The following FAM114A2 variants were observed in gnomAD, a reference collection of about 807,000 sequenced individuals.
FAM114A2 encodes family with sequence similarity 114 member A2.
Under a neutral mutation model 58.4 loss-of-function variants are expected in FAM114A2, and 53 were observed. The ratio of observed to expected loss-of-function variants is 0.91; its 90% confidence interval spans 0.73 to 1.14. FAM114A2 has a LOEUF of 1.14. Ranked by LOEUF, FAM114A2 falls within the 50% of genes most tolerant of loss-of-function variation. The pLI is 0.00. For missense variants in FAM114A2, 601 were observed against 581.1 expected (o/e 1.03, Z -0.35); for synonymous variants, 228 against 211.4 (o/e 1.08, Z -0.68).
rs1257127122 is a variant in FAM114A2 at position 153,997,825 on chromosome 5, G to A, written c.1307C>T (p.Thr436Ile). 2.5e-6 allele frequency: 4 copies of A among 1,597,684 alleles called. No individual in the cohort carries two copies. The highest frequency in any genetic ancestry group is 2.2e-5 in the East Asian group (1 of 44,806). ...KELSSLSKEF[T>I]TCLTTAGVKE... ...TACCCCAGCAGTTGTTAGGCAGGTA[G>A]TGAACTCTTTAGACAGAGAGGACAA... The change falls in exon 12 of 14, where the codon ACT (threonine) becomes ATT (isoleucine). Residue 436 changes from threonine to isoleucine, a missense_variant. Physicochemically the swap from Thr to Ile is moderately conservative, Grantham distance 89. Transcript: ENST00000351797.
At chr5:154,027,747 T>C (rs1239149689) in intron 6 of FAM114A2, among the ~76,000 whole-genome samples, 4 of 152,142 alleles carry the variant, frequency 2.6e-5, no homozygotes, top group Non-Finnish European at 4.4e-5. Flanking sequence ...CTGATTCACC[T>C]ACCTCGGCCT....
chr5:154,024,619 T>C (rs1034767940), intron 8 of FAM114A2, among the ~76,000 whole-genome samples: 1 of 152,172 alleles, frequency 6.6e-6, no homozygotes, highest in Non-Finnish European at 1.5e-5. Context: ...AGATCATTAT[T>C]AATATTCTTT....
At chr5:154,015,426 CCA>C (rs1414058454) in intron 8 of FAM114A2, among the ~76,000 whole-genome samples, 3 of 152,134 alleles carry the variant, frequency 2.0e-5, no homozygotes, top group Non-Finnish European at 2.9e-5. Flanking sequence ...GCTGAGAGAC[CCA>C]CACAGACAGT....
chr5:153,999,213 C>T (rs1019054385), intron 11 of FAM114A2, among the ~76,000 whole-genome samples: 9 of 152,106 alleles, frequency 5.9e-5, no homozygotes, highest in African/African-American at 2.2e-4. Flanking sequence ...CAAAAGAAGA[C>T]ATACAAATGA....
rs200147518 is a variant in FAM114A2 at position 154,030,376 on chromosome 5, C to CTTCTAGCA, written c.404-804_404-797dup. ...TCAAATATTATAGAGAGGACTTCCA[C>CTTCTAGCA]TTCTAGCATGATGGATTAACTGGTA... On this transcript the variant is annotated intron_variant, in intron 4 of 13. Transcript: ENST00000351797. Among the ~76,000 whole-genome samples, 175 of 152,336 alleles carry CTTCTAGCA rather than the reference C, an allele frequency of 1.1e-3. 3 individuals are homozygous for CTTCTAGCA. The East Asian group carries it at 0.032, about 28-fold the overall frequency.
rs1400256759 is a variant in FAM114A2 at position 154,027,231 on chromosome 5, T to C, written c.734A>G (p.Gln245Arg). ...THYGLLFDEF[Q>R]GLSHLEALEM... is the part of the protein sequence containing the mutation. ...CAGAGCTTCTAGATGTGAAAGGCCT[T>C]GAAATTCATCAAAGAGTAGCCCATA... Residue 245 changes from glutamine to arginine, a missense_variant, in exon 7 of 14, where the codon CAA (glutamine) becomes CGA (arginine). Gln to Arg is a conservative substitution (Grantham distance 43). Coordinates refer to ENST00000351797, the MANE Select transcript of FAM114A2 (RefSeq NM_018691.4). 6.2e-7 allele frequency: 1 copy of C among 1,613,528 alleles called. No homozygotes were observed. Among genetic ancestry groups the C allele is most frequent in the East Asian group, 2.2e-5 (1 of 44,868 alleles).
At chr5:153,997,769 A>C in intron 12 of FAM114A2, 34 bp downstream of exon 12, 2 of 1,250,690 alleles carry the variant, frequency 1.6e-6, no homozygotes, top group Non-Finnish European at 2.3e-6. Context: ...GAAACCAGAC[A>C]AACATTATTG....
chr5:153,995,117 T>C, intron 12 of FAM114A2, 145 bp from the exon 13 acceptor site: 1 of 591,954 alleles, frequency 1.7e-6, no homozygotes, highest in African/African-American at 1.9e-5. Flanking sequence ...CAAAATGTCA[T>C]CTTTAGAATG....
chr5:154,031,069 T>C (rs761175173), intron 4 of FAM114A2, among the ~76,000 whole-genome samples: 1 of 151,942 alleles, frequency 6.6e-6, no homozygotes, highest in Non-Finnish European at 1.5e-5. Context: ...CCCAGCACTT[T>C]GGGAGGCCGA....
In FAM114A2 at chr5:153,997,789, G is replaced by C; in HGVS notation, c.1329+14C>G. On this transcript the variant is annotated intron_variant, in intron 12 of 13. Coordinates refer to ENST00000351797, the MANE Select transcript of FAM114A2 (RefSeq NM_018691.4). ...CAGACAAACATTATTGCAGTAAGAG[G>C]CATGGATTCTTACCCCAGCAGTTGT... is the stretch of plus-strand genomic sequence containing the variant. 2 of 1,462,768 alleles carry C rather than the reference G, an allele frequency of 1.4e-6. No homozygotes were observed. The highest frequency in any genetic ancestry group is 1.2e-5 in the South Asian group (1 of 86,956). The allele number at this position is 1,462,768 out of a possible 1,614,324, so 90.6% of individuals were successfully genotyped here. A position where few individuals can be genotyped will look rare whatever the true frequency, so the allele number is the denominator to read the frequency against.
chr5:153,996,827 T>C (rs1769591521), intron 12 of FAM114A2, among the ~76,000 whole-genome samples: 1 of 151,562 alleles, frequency 6.6e-6, no homozygotes, highest in Non-Finnish European at 1.5e-5. Flanking sequence ...TGAAACCCTG[T>C]CTCTACTAAA....
At chr5:154,023,318 G>T (rs1771553311) in intron 8 of FAM114A2, among the ~76,000 whole-genome samples, 1 of 151,854 alleles carries the variant, frequency 6.6e-6, no homozygotes, top group African/African-American at 2.4e-5. Context: ...AAAGATACTT[G>T]CACACGCATG....
intron 8 of FAM114A2, among the ~76,000 whole-genome samples, chr5:154,017,758 G>A (rs116295153): frequency 0.016 from 2,376 of 152,208 alleles, 65 homozygotes; most frequent in African/African-American, 0.054. Context: ...GATCACAGTG[G>A]AATAAAACTA....
At position 154,029,522 on chromosome 5, in the gene FAM114A2, T is replaced by G; in HGVS notation, c.462A>C (p.Val154=). 1 of 1,611,122 alleles carries G rather than the reference T, an allele frequency of 6.2e-7. No individual in the cohort carries two copies. The highest frequency in any genetic ancestry group is 8.5e-7 in the Non-Finnish European group (1 of 1,177,686). ...NSSPVAGAFG[V]FSTISTAVQS... is the part of the protein sequence containing the mutation. The stretch of plus-strand genomic sequence containing the variant: ...GAACAGCAGTAGAGATGGTAGAGAA[T>G]ACACCAAATGCCCCAGCCACTGGGG... The change falls in exon 5 of 14, where the codon GTA becomes GTC. Residue 154 remains valine (V), a synonymous_variant. Coordinates refer to ENST00000351797, the MANE Select transcript of FAM114A2 (RefSeq NM_018691.4).
intron 10 of FAM114A2, 23 bp from the exon 11 acceptor site, chr5:154,002,413 G>A (rs1581771514): frequency 6.2e-7 from 1 of 1,608,718 alleles, no homozygotes; most frequent in Non-Finnish European, 8.5e-7. Context: ...ACAAAACAAA[G>A]CATAGCAAAA....
rs1293813699 is a variant in FAM114A2 at position 153,990,699 on chromosome 5, T to C, written c.*2277A>G. 1 of 152,172 alleles carries C rather than the reference T, an allele frequency of 6.6e-6. No homozygotes were observed. The highest frequency in any genetic ancestry group is 1.5e-5 in the Non-Finnish European group (1 of 68,018). 9.4% of individuals were successfully genotyped at this position (152,172 alleles called of 1,614,324 possible). A position where few individuals can be genotyped will look rare whatever the true frequency, so the allele number is the denominator to read the frequency against. On this transcript the variant is annotated 3_prime_UTR_variant, in exon 14 of 14. Transcript: ENST00000351797. ...GGAAAAGACACATTTACCCTAGCAA[T>C]ACCTGAACATTTCACTTATTAAGGT...
chr5:154,018,126 G>C (rs555564493), intron 8 of FAM114A2, among the ~76,000 whole-genome samples: 22 of 152,242 alleles, frequency 1.4e-4, no homozygotes, highest in Non-Finnish European at 2.6e-4. Context: ...GAAACAAAAA[G>C]TTGATTCTTT....
intron 8 of FAM114A2, among the ~76,000 whole-genome samples, chr5:154,016,972 G>C (rs112870331): frequency 0.011 from 1,728 of 152,222 alleles, 43 homozygotes; most frequent in African/African-American, 0.039. Context: ...GCAATCAGAG[G>C]TAGCTATTCT....
chr5:153,994,283 A>G (rs1221496698), intron 13 of FAM114A2, among the ~76,000 whole-genome samples: 1 of 152,180 alleles, frequency 6.6e-6, no homozygotes, highest in Non-Finnish European at 1.5e-5. Flanking sequence ...CCAGACTTAC[A>G]TAAACATGTT....
Sources: allele counts gnomAD v4.1 joint callset (sites outside exome capture counted in the v4.1 genomes callset), GRCh38; gene constraint gnomAD v4.1.1; transcripts MANE v1.5; gene names NCBI Gene and HGNC (gene_info 2026-07-23, HGNC 2026-07-21).